Variants in GOT1 observed in about 807,000 individuals in gnomAD.
The protein encoded by GOT1 is glutamic-oxaloacetic transaminase 1, also known as aspartate aminotransferase, cytoplasmic.
In GOT1, 25 loss-of-function variants were observed where a neutral mutation model predicts 48.2. That is an observed-to-expected ratio of 0.52 (90% CI 0.38 to 0.72). The LOEUF (loss-of-function observed/expected upper bound fraction) is 0.72, where lower values mean the gene tolerates loss of function less well. GOT1 is among the 30% of genes least tolerant of loss of function. The pLI, the probability that GOT1 is intolerant of heterozygous loss-of-function variation, is 0.00. For missense variants in GOT1, 380 were observed against 520.1 expected, an observed-to-expected ratio of 0.73 and a Z score of 2.62; for synonymous variants, 188 against 193.8, an observed-to-expected ratio of 0.97 and a Z score of 0.25.
chr10:99,425,296 G>A (rs2033024580), intron 1 of GOT1, among the ~76,000 whole-genome samples: 1 of 152,200 alleles, frequency 6.6e-6, no homozygotes, highest in South Asian at 2.1e-4. Flanking sequence ...AATCCACTAA[G>A]GATTAGCTGG....
At chr10:99,415,318 A>G (rs1375178943) in intron 2 of GOT1, among the ~76,000 whole-genome samples, 1 of 152,224 alleles carries the variant, frequency 6.6e-6, no homozygotes, top group Non-Finnish European at 1.5e-5. Context: ...AAACACCTCT[A>G]TGGAAATAAA....
intron 7 of GOT1, 30 bp from the exon 8 acceptor site, chr10:99,402,752 A>G (rs778936014): frequency 1.3e-6 from 2 of 1,598,798 alleles, no homozygotes; most frequent in South Asian, 2.2e-5. Flanking sequence ...GTAAATACCA[A>G]TCCAGACAGG....
intron 1 of GOT1, among the ~76,000 whole-genome samples, chr10:99,428,143 G>T (rs559996362): frequency 6.6e-5 from 10 of 152,212 alleles, no homozygotes; most frequent in Non-Finnish European, 1.0e-4. Flanking sequence ...TGCAGTTCTT[G>T]AACTGAAAAT....
chr10:99,404,366 C>G (rs1386718539), intron 5 of GOT1, among the ~76,000 whole-genome samples: 1 of 152,160 alleles, frequency 6.6e-6, no homozygotes, highest in Admixed American at 6.5e-5. Context: ...GACACCACTT[C>G]CCTCCCCGGA....
At chr10:99,412,081 G>A (rs960545896) in intron 2 of GOT1, among the ~76,000 whole-genome samples, 1 of 152,114 alleles carries the variant, frequency 6.6e-6, no homozygotes, top group East Asian at 1.9e-4. Flanking sequence ...ACTTAGAGGT[G>A]GGGACTGGAC....
chr10:99,417,908 C>T (rs1177474801), intron 2 of GOT1, among the ~76,000 whole-genome samples: 2 of 151,628 alleles, frequency 1.3e-5, no homozygotes, highest in Non-Finnish European at 2.9e-5. Context: ...TTGTGGGGTG[C>T]GGAGAGGGGG....
At chr10:99,425,572 A>T (rs944191988) in intron 1 of GOT1, among the ~76,000 whole-genome samples, 4 of 152,194 alleles carry the variant, frequency 2.6e-5, no homozygotes, top group African/African-American at 7.2e-5. Flanking sequence ...GGCAGCAGGG[A>T]TGAAGAAAAG....
Position 99,406,725 on chromosome 10 carries a change from C to T in GOT1, c.424+1G>A. ...CCTCTCACTTCAGCTGAAAGACTCA[C>T]CCCAGGTTGGTGAGGACACATAGAC... On this transcript the variant is annotated splice_donor_variant, in intron 3 of 8. Transcript: ENST00000370508. LOFTEE classifies it high-confidence loss of function. 3 of 1,613,338 alleles carry T rather than the reference C, an allele frequency of 1.9e-6. No homozygotes were observed. The highest frequency in any genetic ancestry group is 1.7e-6 in the Non-Finnish European group (2 of 1,179,384).
rs2033107915 is a variant in GOT1 at position 99,430,624 on chromosome 10, T to G, written c.-59A>C. 7.0e-7 allele frequency: 1 copy of G among 1,426,932 alleles called. No individual in the cohort carries two copies. The highest frequency in any genetic ancestry group is 2.1e-5 in the Admixed American group (1 of 46,814). The allele number at this position is 1,426,932 out of a possible 1,614,324, so 88.4% of individuals were successfully genotyped here. On this transcript the variant is annotated 5_prime_UTR_variant, in exon 1 of 9. Transcript: ENST00000370508. ...ACGCCCGGAGCTGGCAGGTCAGGTCTGGCCGTTGCGACTGGAGGAGACACT... is the reference window on the plus strand; with the variant it reads ...ACGCCCGGAGCTGGCAGGTCAGGTCGGGCCGTTGCGACTGGAGGAGACACT...
chr10:99,423,908 G>A (rs2033003673), intron 1 of GOT1, among the ~76,000 whole-genome samples: 2 of 151,868 alleles, frequency 1.3e-5, no homozygotes, highest in South Asian at 2.1e-4. Context: ...CTCCCGCCTC[G>A]GACTTCCAAA....
chr10:99,398,488 G>T (rs146513853), intron 8 of GOT1, among the ~76,000 whole-genome samples: 1,629 of 152,170 alleles, frequency 0.011, 17 homozygotes, highest in Middle Eastern at 0.017. Flanking sequence ...TGGCCAACAT[G>T]CTGAGACCCA....
chr10:99,401,483 C>A (rs1404583164), intron 8 of GOT1, among the ~76,000 whole-genome samples: 1 of 152,150 alleles, frequency 6.6e-6, no homozygotes, highest in East Asian at 1.9e-4. Flanking sequence ...CCTAGAGTCA[C>A]TGGGACACAC....
chr10:99,403,477 A>G lies in GOT1; in HGVS notation c.951T>C (p.Phe317=). 6.2e-7 allele frequency: 1 copy of G among 1,612,584 alleles called. No homozygotes were observed. Among genetic ancestry groups the G allele is most frequent in the South Asian group, 1.1e-5 (1 of 90,948 alleles). ...VASTLSNPEL[F]EEWTGNVKTM... ...GACTGGGAGCCCCTTACCATTCCTC[A>G]AAGAGCTCAGGGTTAGAGAGGGTGC... Residue 317 remains phenylalanine (F), a synonymous_variant, in exon 7 of 9, where the codon TTT becomes TTC. Transcript: ENST00000370508.
chr10:99,409,129 G>GT (rs60570617), intron 2 of GOT1, among the ~76,000 whole-genome samples: 5,488 of 148,018 alleles, frequency 0.037, 332 homozygotes, highest in African/African-American at 0.12. Flanking sequence ...TTTTTTTTGT[G>GT]TTTTTTTTTT....
At chr10:99,428,515 G>A (rs186602836) in intron 1 of GOT1, among the ~76,000 whole-genome samples, 3 of 152,184 alleles carry the variant, frequency 2.0e-5, no homozygotes, top group East Asian at 1.9e-4. Context: ...GCACCACCAC[G>A]TCTGGCTAAT....
At chr10:99,419,353 C>T (rs1338507427) in intron 2 of GOT1, among the ~76,000 whole-genome samples, 1 of 152,164 alleles carries the variant, frequency 6.6e-6, no homozygotes, top group African/African-American at 2.4e-5. Context: ...TCAAACAACA[C>T]TTTTATTGGG....
rs1465712633 is a variant in GOT1, at chr10:99,430,493, A to G, written c.73T>C (p.Phe25Leu). The change falls in exon 1 of 9, where the codon TTC becomes CTC. Residue 25 changes from phenylalanine to leucine, a missense_variant. Coordinates refer to ENST00000370508, the MANE Select transcript of GOT1 (RefSeq NM_002079.3). ...TTGCGGGGGTCCGGATCCTCCCTGA[A>G]GTCGGCAGTGAGCTTGAAGACCAGG... ...PVLVFKLTAD[F>L]REDPDPRKVN... 6.2e-7 allele frequency: 1 copy of G among 1,612,626 alleles called. No individual in the cohort carries two copies. The highest frequency in any genetic ancestry group is 2.2e-5 in the East Asian group (1 of 44,850).
intron 1 of GOT1, among the ~76,000 whole-genome samples, chr10:99,421,434 CCTCT>C (rs928445553): frequency 2.0e-5 from 3 of 152,184 alleles, no homozygotes; most frequent in African/African-American, 7.2e-5. Context: ...ACATCTCTAT[CCTCT>C]CTCTGTATTT....
intron 2 of GOT1, 96 bp downstream of exon 2, chr10:99,420,528 A>G: frequency 1.1e-6 from 1 of 919,780 alleles, no homozygotes. Context: ...TGGCAGTTCA[A>G]TAGACATAAC....
Sources: gnomAD v4.1 joint callset for allele counts (sites outside exome capture counted in the v4.1 genomes callset) on GRCh38, gnomAD v4.1.1 for gene constraint, MANE v1.5 for transcripts, NCBI Gene and HGNC (gene_info 2026-07-23, HGNC 2026-07-21) for gene names.